HECW2: variants seen among roughly 807,000 people sequenced by gnomAD.
The protein encoded by HECW2 is E3 ubiquitin-protein ligase HECW2.
Under a neutral mutation model 175.2 loss-of-function variants are expected in HECW2, and 61 were observed. The ratio of observed to expected loss-of-function variants is 0.35; its 90% CI spans 0.28 to 0.43. HECW2 has a LOEUF of 0.43. Among genes scored for constraint, HECW2 ranks in the 20% least tolerant of loss-of-function variants. HECW2 has a pLI of 1.00. For missense variants in HECW2, 1,524 were observed against 2,000.5 expected (o/e 0.76, Z 4.54); for synonymous variants, 671 against 731.0 (o/e 0.92, Z 1.32).
intron 28 of HECW2, among the ~76,000 whole-genome samples, chr2:196,207,395 G>C (rs1687108478): frequency 6.6e-6 from 1 of 152,136 alleles, no homozygotes; most frequent in South Asian, 2.1e-4. Flanking sequence ...GGTAAAACTT[G>C]TTAGAATTTT....
At chr2:196,489,267 G>C (rs1012993288) in intron 1 of HECW2, among the ~76,000 whole-genome samples, 8 of 152,178 alleles carry the variant, frequency 5.3e-5, no homozygotes, top group African/African-American at 1.9e-4. Context: ...GAAACTGTGA[G>C]GAGGTTTTTC....
intron 1 of HECW2, among the ~76,000 whole-genome samples, chr2:196,578,942 G>A (rs1690661914): frequency 6.7e-6 from 1 of 150,374 alleles, no homozygotes; most frequent in Admixed American, 6.6e-5. Flanking sequence ...ACACAGAGAA[G>A]ATAAATATAT....
intron 1 of HECW2, among the ~76,000 whole-genome samples, chr2:196,519,978 G>A (rs1688295994): frequency 6.6e-6 from 1 of 152,160 alleles, no homozygotes; most frequent in South Asian, 2.1e-4. Context: ...GTTTTCATTA[G>A]TGAAATTAAT....
At chr2:196,296,594 A>G (rs1382432851) in intron 13 of HECW2, among the ~76,000 whole-genome samples, 1 of 152,226 alleles carries the variant, frequency 6.6e-6, no homozygotes. Flanking sequence ...ATTATGTGCT[A>G]AGCCATGTGC....
intron 1 of HECW2, among the ~76,000 whole-genome samples, chr2:196,494,477 T>C (rs1203789253): frequency 2.6e-5 from 4 of 152,150 alleles, no homozygotes; most frequent in Non-Finnish European, 5.9e-5. Context: ...CTTTAGTATT[T>C]AATCAGATGG....
intron 1 of HECW2, among the ~76,000 whole-genome samples, chr2:196,498,506 C>G (rs902056974): frequency 6.6e-6 from 1 of 152,156 alleles, no homozygotes; most frequent in African/African-American, 2.4e-5. Flanking sequence ...CTCGATTTTA[C>G]TGCTAAACTC....
At chr2:196,311,302 C>G (rs1691487461) in intron 10 of HECW2, among the ~76,000 whole-genome samples, 1 of 152,198 alleles carries the variant, frequency 6.6e-6, no homozygotes, top group Admixed American at 6.5e-5. Context: ...CACCCCAGGT[C>G]TTCAGAATCA....
At chr2:196,356,875 AT>A (rs1693388790) in intron 2 of HECW2, among the ~76,000 whole-genome samples, 1 of 152,208 alleles carries the variant, frequency 6.6e-6, no homozygotes, top group Non-Finnish European at 1.5e-5. Flanking sequence ...GTTCAGCACT[AT>A]CTGCAGGTTC....
At chr2:196,556,689 G>A (rs909638353) in intron 1 of HECW2, among the ~76,000 whole-genome samples, 2 of 152,118 alleles carry the variant, frequency 1.3e-5, no homozygotes, top group African/African-American at 2.4e-5. Context: ...AACATCTGTG[G>A]GATTAAAGTA....
chr2:196,418,217 C>T (rs2125240804), intron 2 of HECW2, among the ~76,000 whole-genome samples: 2 of 152,140 alleles, frequency 1.3e-5, no homozygotes, highest in South Asian at 4.2e-4. Flanking sequence ...CAAGCTCTGC[C>T]TCCCGGGTTC....
intron 1 of HECW2, among the ~76,000 whole-genome samples, chr2:196,523,093 A>C (rs887586994): frequency 1.4e-4 from 21 of 151,828 alleles, no homozygotes; most frequent in Non-Finnish European, 2.6e-4. Context: ...CACGATATTG[A>C]TTCTTCCTAC....
intron 2 of HECW2, chr2:196,362,263 C>T: frequency 1.1e-6 from 1 of 891,478 alleles, no homozygotes; most frequent in Non-Finnish European, 1.3e-6. Context: ...CCATCCTCCC[C>T]TCAGCTTCCT....
In HECW2 at chr2:196,220,060, T is replaced by C; in HGVS notation, c.4387A>G (p.Asn1463Asp). Residue 1463 changes from asparagine to aspartate, a missense_variant, in exon 26 of 29, where the codon AAC becomes GAC. Physicochemically the swap from Asn to Asp is conservative, Grantham distance 23 (BLOSUM62 1). Coordinates refer to ENST00000644978, the MANE Select transcript of HECW2 (RefSeq NM_001348768.2). ...TCACCTCCTCTATATTCTGTGTTGT[T>C]TCTCCAATCACTTAGGTCTATTTCA... ...TAEIDLSDWR[N>D]NTEYRGGYHD... 1.9e-6 allele frequency: 3 copies of C among 1,609,096 alleles called. No individual in the cohort carries two copies. Among genetic ancestry groups the C allele is most frequent in the Non-Finnish European group, 1.7e-6 (2 of 1,175,640 alleles).
intron 2 of HECW2, among the ~76,000 whole-genome samples, chr2:196,363,739 G>A (rs925133250): frequency 3.3e-5 from 5 of 152,140 alleles, no homozygotes; most frequent in African/African-American, 1.2e-4. Flanking sequence ...TGGGAGGAGC[G>A]CTTGAGCCCA....
At chr2:196,401,974 G>A (rs1363927589) in intron 2 of HECW2, among the ~76,000 whole-genome samples, 2 of 152,050 alleles carry the variant, frequency 1.3e-5, no homozygotes, top group African/African-American at 4.8e-5. Flanking sequence ...GCTGAGGCGG[G>A]CGGATCACAA....
intron 24 of HECW2, among the ~76,000 whole-genome samples, chr2:196,221,279 G>C (rs1216642875): frequency 6.6e-6 from 1 of 152,062 alleles, no homozygotes; most frequent in Non-Finnish European, 1.5e-5. Context: ...TCTCAGAATT[G>C]ACTATATCTA....
intron 1 of HECW2, among the ~76,000 whole-genome samples, chr2:196,551,372 A>G (rs773936291): frequency 6.6e-5 from 10 of 152,132 alleles, no homozygotes; most frequent in Non-Finnish European, 1.3e-4. Context: ...TTTTGCAAAC[A>G]TTTGTATGAG....
chr2:196,462,627 A>C (rs1312067785), intron 1 of HECW2, among the ~76,000 whole-genome samples: 1 of 152,124 alleles, frequency 6.6e-6, no homozygotes, highest in Non-Finnish European at 1.5e-5. Flanking sequence ...ACGGTTTTGA[A>C]ATTTTTAGTA....
chr2:196,268,872 C>T (rs1171368500), intron 17 of HECW2, among the ~76,000 whole-genome samples: 1 of 152,108 alleles, frequency 6.6e-6, no homozygotes, highest in African/African-American at 2.4e-5. Context: ...CTAATTAGAT[C>T]ACTGAGGGGC....
Sources: gnomAD v4.1 joint callset for allele counts (sites outside exome capture counted in the v4.1 genomes callset) on GRCh38, gnomAD v4.1.1 for gene constraint, MANE v1.5 for transcripts, NCBI Gene and HGNC (gene_info 2026-07-23, HGNC 2026-07-21) for gene names.